HUWE1: variants seen among roughly 807,000 people sequenced by gnomAD.
The protein encoded by HUWE1 is HECT, UBA and WWE domain containing E3 ubiquitin protein ligase 1, also known as E3 ubiquitin-protein ligase HUWE1.
A neutral mutation model predicts 299.4 loss-of-function variants in HUWE1; 18 were observed. The ratio of observed to expected loss-of-function variants is 0.06; its 90% CI spans 0.04 to 0.09. The LOEUF is 0.09. Among genes scored for constraint, HUWE1 ranks in the 10% least tolerant of loss-of-function variants. The probability of loss-of-function intolerance (pLI) is 1.00; values close to 1 mark genes in which losing one functional copy is unlikely to be tolerated. For synonymous variants in HUWE1, 1,317 were observed against 1,286.1 expected, an observed-to-expected ratio of 1.02 and a Z score of -0.51; for missense variants, 1,832 against 3,462.3, an observed-to-expected ratio of 0.53 and a Z score of 11.82.
In HUWE1 at chrX:53,628,767, T is replaced by C. The variant is rs781974613; in HGVS notation, c.1099A>G (p.Ile367Val). 8.3e-7 allele frequency: 1 copy of C among 1,210,202 alleles called. No individual in the cohort carries two copies. Among genetic ancestry groups the C allele is most frequent in the East Asian group, 3.0e-5 (1 of 33,796 alleles). The change falls in exon 14 of 84, where the codon ATC becomes GTC. Residue 367 changes from isoleucine (I) to valine (V), a missense_variant. Ile to Val is a conservative substitution (Grantham distance 29). Around this residue, in one of 15 missense-constraint regions of HUWE1, gnomAD observed 658 missense variants for 1,282.6 expected, o/e 0.51. Coordinates refer to ENST00000262854, the MANE Select transcript of HUWE1 (RefSeq NM_031407.7). ...GFLPVLVRNC[I>V]QAMIDPSMDP... is the part of the protein sequence containing the mutation. Reference sequence around the variant, plus strand: ...CAAAACTTACCAATCATGGCCTGGATACAGTTCCTTACAAGCACTGGCAAA... The same window carrying C: ...CAAAACTTACCAATCATGGCCTGGACACAGTTCCTTACAAGCACTGGCAAA...
In HUWE1 at chrX:53,561,837, C is replaced by G; in HGVS notation, c.7426G>C (p.Ala2476Pro). The part of the protein sequence containing the change: ...ELDEDYPDMN[A>P]SPLVRFERFD... ...CGCTCAAATCGGACCAAGGGAGAAG[C>G]GTTCATATCAGGATAATCCTCATCC... The change falls in exon 55 of 84, where the codon GCT becomes CCT. Residue 2476 changes from alanine to proline, a missense_variant. Transcript: ENST00000262854. 8.3e-7 allele frequency: 1 copy of G among 1,211,547 alleles called. No individual in the cohort carries two copies. The highest frequency in any genetic ancestry group is 3.0e-5 in the East Asian group (1 of 33,826).
At position 53,534,201 on chromosome X, in the gene HUWE1, TAGGAAGG is replaced by T; in HGVS notation, c.12832-11_12832-5del. The T allele has an allele frequency of 8.3e-7, 1 of 1,202,555 alleles. No individual in the cohort carries two copies. The highest frequency in any genetic ancestry group is 1.1e-6 in the Non-Finnish European group (1 of 888,530). ...ATGCTCTCCAGAACCACTGGATCTG[TAGGAAGG>T]GACCCATGAAGCCAGTGTTAGGTAG... On this transcript the variant is annotated splice_region_variant and splice_polypyrimidine_tract_variant and intron_variant, in intron 82 of 83. Coordinates refer to ENST00000262854, the MANE Select transcript of HUWE1 (RefSeq NM_031407.7).
In HUWE1 at chrX:53,573,756, G is replaced by C; in HGVS notation, c.6306C>G (p.Ile2102Met). 8.3e-7 allele frequency: 1 copy of C among 1,200,101 alleles called. No homozygotes were observed. The highest frequency in any genetic ancestry group is 1.1e-6 in the Non-Finnish European group (1 of 884,841). Reference protein sequence around the residue: ...YSYTVGQSELIKEDCSVLAFV... With the variant: ...YSYTVGQSELMKEDCSVLAFV... ...TAGAAGTTGGAAATATTACCTCTTTGATCAGTTCAGACTGGCCCACAGTGT... is the reference window on the plus strand; with the variant it reads ...TAGAAGTTGGAAATATTACCTCTTTCATCAGTTCAGACTGGCCCACAGTGT... Residue 2102 changes from isoleucine to methionine, a missense_variant, in exon 47 of 84, where the codon ATC becomes ATG. Around this residue, in one of 15 missense-constraint regions of HUWE1, gnomAD observed 157 missense variants for 252.3 expected, o/e 0.62. Coordinates refer to ENST00000262854, the MANE Select transcript of HUWE1 (RefSeq NM_031407.7).
chrX:53,666,597 C>A (rs1179796236), intron 3 of HUWE1, among the ~76,000 whole-genome samples: 1 of 111,470 alleles, frequency 9.0e-6, no homozygotes, highest in Non-Finnish European at 1.9e-5. Context: ...GTACAAACTC[C>A]TTATTTAAAC....
chrX:53,565,013 G>A (rs1402125480), intron 50 of HUWE1, 54 bp downstream of exon 50: 5 of 1,118,956 alleles, frequency 4.5e-6, no homozygotes, highest in South Asian at 1.8e-5. Flanking sequence ...TGTGATCCCA[G>A]GCCCATAAAG....
chrX:53,548,851 TTAAAA>T (rs2061654398), intron 67 of HUWE1, 103 bp downstream of exon 67: 1 of 686,780 alleles, frequency 1.5e-6, no homozygotes, highest in Non-Finnish European at 2.3e-6. Context: ...GGCTCAACAC[TTAAAA>T]TAAGAGCAAA....
At chrX:53,626,312 GA>G (rs1557017735) in intron 17 of HUWE1, among the ~76,000 whole-genome samples, 1 of 110,169 alleles carries the variant, frequency 9.1e-6, no homozygotes, top group African/African-American at 3.3e-5. Context: ...AATTGGGGAA[GA>G]GGGGGAGAGT....
intron 12 of HUWE1, 109 bp from the exon 13 acceptor site, chrX:53,629,725 C>A: frequency 2.0e-6 from 1 of 501,912 alleles, no homozygotes; most frequent in Non-Finnish European, 3.5e-6. Flanking sequence ...CCATTCCCAA[C>A]CAGCAATGGA....
At chrX:53,540,107 G>C (rs1349533823) in intron 74 of HUWE1, among the ~76,000 whole-genome samples, 3 of 112,393 alleles carry the variant, frequency 2.7e-5, no homozygotes, top group Non-Finnish European at 5.6e-5. Flanking sequence ...TCTAGTCACT[G>C]CCTCACTAGT....
intron 43 of HUWE1, among the ~76,000 whole-genome samples, chrX:53,579,077 G>A (rs1164606736): frequency 2.5e-4 from 19 of 76,521 alleles, no homozygotes; most frequent in Non-Finnish European, 3.1e-4. Flanking sequence ...AGGTGGGGGG[G>A]TCAGCCCTCC....
At chrX:53,576,243 T>C (rs1163174465) in intron 44 of HUWE1, among the ~76,000 whole-genome samples, 2 of 112,068 alleles carry the variant, frequency 1.8e-5, no homozygotes, top group African/African-American at 6.5e-5. Flanking sequence ...CATTCATCAA[T>C]TTTTGGCAAT....
Position 53,545,117 on chromosome X carries a change from G to A in HUWE1, c.10960C>T (p.Arg3654Trp), listed in dbSNP as rs1556921677. Reference protein sequence around the residue: ...ELREYNLEQQRRAQCETLSPD... With the variant: ...ELREYNLEQQWRAQCETLSPD... ...GAGAGGGTTTCACATTGGGCTCGCC[G>A]CTGCTGCTCGAGGTTGTATTCCCGC... The change falls in exon 71 of 84, where the codon CGG becomes TGG. Residue 3654 changes from arginine to tryptophan, a missense_variant. Arg to Trp is a moderately radical substitution (Grantham distance 101). This residue lies in a region of HUWE1 where 48 missense variants were observed against 87.0 expected (regional missense o/e 0.55). Transcript: ENST00000262854. 1.7e-6 allele frequency: 2 copies of A among 1,209,408 alleles called. No homozygotes were observed. Among genetic ancestry groups the A allele is most frequent in the South Asian group, 1.8e-5 (1 of 56,601 alleles).
At chrX:53,665,287 CT>C (rs781872330) in intron 3 of HUWE1, among the ~76,000 whole-genome samples, 47 of 112,071 alleles carry the variant, frequency 4.2e-4, no homozygotes, top group African/African-American at 1.4e-3. Flanking sequence ...GAAAAATAGC[CT>C]TTACTCACCC....
chrX:53,575,591 A>G, intron 45 of HUWE1, 52 bp downstream of exon 45: 1 of 1,130,812 alleles, frequency 8.8e-7, no homozygotes, highest in Non-Finnish European at 1.2e-6. Context: ...CTGAGACCAC[A>G]CAGGCATTGA....
At chrX:53,669,990 T>A (rs1557048769) in intron 3 of HUWE1, among the ~76,000 whole-genome samples, 1 of 112,314 alleles carries the variant, frequency 8.9e-6, no homozygotes, top group East Asian at 2.8e-4. Context: ...GAAAATAAGA[T>A]GGACTTAGAA....
At chrX:53,646,410 A>C (rs1011909501) in intron 6 of HUWE1, among the ~76,000 whole-genome samples, 4 of 111,357 alleles carry the variant, frequency 3.6e-5, no homozygotes, top group Admixed American at 1.9e-4. Context: ...TTCCCGCCTC[A>C]ACCTCCCAAA....
At chrX:53,628,364 T>A in intron 15 of HUWE1, 129 bp downstream of exon 15, 2 of 707,398 alleles carry the variant, frequency 2.8e-6, no homozygotes. Context: ...TCTACTTAAG[T>A]ATAACTTTTT....
chrX:53,561,442 T>C (rs1308179185), intron 55 of HUWE1, among the ~76,000 whole-genome samples: 1 of 112,914 alleles, frequency 8.9e-6, no homozygotes, highest in Non-Finnish European at 1.9e-5. Flanking sequence ...GCCACTGTGG[T>C]GTGCACATGG....
At chrX:53,628,140 C>T (rs782446133) in intron 15 of HUWE1, among the ~76,000 whole-genome samples, 1 of 111,196 alleles carries the variant, frequency 9.0e-6, no homozygotes, top group East Asian at 2.8e-4. Context: ...CATTGCCCTG[C>T]ACATAGTAAA....
Sources: gnomAD v4.1 joint callset for allele counts (sites outside exome capture counted in the v4.1 genomes callset) on GRCh38, gnomAD v4.1.1 for gene constraint, gnomAD v4.1.1 regional missense constraint, MANE v1.5 for transcripts, NCBI Gene and HGNC (gene_info 2026-07-23, HGNC 2026-07-21) for gene names.